Variants in MAMLD1 observed in about 807,000 individuals in gnomAD.
MAMLD1 encodes mastermind like domain containing 1.
MAMLD1 carries 14 observed loss-of-function variants against 45.0 expected under a neutral mutation model. That is an observed-to-expected ratio of 0.31 (90% confidence interval 0.21 to 0.49). MAMLD1 has a LOEUF of 0.49. MAMLD1 is among the 20% of genes least tolerant of loss of function. The pLI, the probability that MAMLD1 is intolerant of heterozygous loss-of-function variation, is 0.99. For synonymous variants in MAMLD1, 254 were observed against 247.8 expected (o/e 1.02, Z -0.24); for missense variants, 543 against 603.6 (o/e 0.90, Z 1.05).
intron 2 of MAMLD1, among the ~76,000 whole-genome samples, chrX:150,449,147 A>C (rs1261422014): frequency 9.0e-6 from 1 of 111,251 alleles, no homozygotes; most frequent in African/African-American, 3.3e-5. Flanking sequence ...GGGGATTATT[A>C]TTATTCTCCT....
At chrX:150,439,399 C>T (rs189479997) in intron 1 of MAMLD1, among the ~76,000 whole-genome samples, 38 of 111,630 alleles carry the variant, frequency 3.4e-4, no homozygotes, top group Non-Finnish European at 5.6e-4. Context: ...AGTTCCATTG[C>T]GAAATTCAAG....
At chrX:150,385,059 A>G in intron 1 of MAMLD1, among the ~76,000 whole-genome samples, 1 of 111,246 alleles carries the variant, frequency 9.0e-6, no homozygotes, top group Non-Finnish European at 1.9e-5. Context: ...GAAGGTTTGC[A>G]CACTTTCACC....
intron 1 of MAMLD1, among the ~76,000 whole-genome samples, chrX:150,432,083 CTG>C (rs201809844): frequency 9.5e-5 from 10 of 105,488 alleles, no homozygotes; most frequent in South Asian, 3.9e-4. Context: ...TCCACAACCT[CTG>C]TTTTTTTTTT....
intron 1 of MAMLD1, among the ~76,000 whole-genome samples, chrX:150,417,027 T>C (rs2034268336): frequency 9.0e-6 from 1 of 111,367 alleles, no homozygotes; most frequent in African/African-American, 3.3e-5. Context: ...TTTTTTATTA[T>C]ACTTTAAGTT....
chrX:150,371,722 C>T (rs995063359), intron 1 of MAMLD1, among the ~76,000 whole-genome samples: 8 of 112,101 alleles, frequency 7.1e-5, no homozygotes, highest in South Asian at 3.7e-4. Context: ...CTCTCAGCTT[C>T]GGCAGCGTGC....
chrX:150,403,996 G>GAAAGAAAGAA (rs1244362021), intron 1 of MAMLD1, among the ~76,000 whole-genome samples: 118 of 73,931 alleles, frequency 1.6e-3, no homozygotes, highest in African/African-American at 5.6e-3. Flanking sequence ...AAGAAAGAAA[G>GAAAGAAAGAA]AAGAAAGGAA....
intron 5 of MAMLD1, among the ~76,000 whole-genome samples, chrX:150,495,234 C>CAAAT (rs782639048): frequency 9.2e-6 from 1 of 108,435 alleles, no homozygotes; most frequent in East Asian, 3.0e-4. Context: ...AACAAACAAA[C>CAAAT]AACAGCAACA....
intron 1 of MAMLD1, among the ~76,000 whole-genome samples, chrX:150,369,464 A>C (rs1482894157): frequency 8.8e-6 from 1 of 113,105 alleles, no homozygotes; most frequent in Non-Finnish European, 1.9e-5. Flanking sequence ...AAGGAGGAGT[A>C]AAAAAATGGC....
intron 1 of MAMLD1, among the ~76,000 whole-genome samples, chrX:150,402,006 C>T (rs782132205): frequency 2.7e-5 from 3 of 111,913 alleles, no homozygotes; most frequent in Admixed American, 9.5e-5. Flanking sequence ...AGGACAAAGG[C>T]ATGGACAAGG....
chrX:150,494,784 G>A (rs782113159), intron 5 of MAMLD1, among the ~76,000 whole-genome samples: 1 of 111,409 alleles, frequency 9.0e-6, no homozygotes, highest in South Asian at 3.8e-4. Flanking sequence ...GGAAGCTGAG[G>A]TGGCAGGATC....
At chrX:150,383,824 T>C (rs1557401959) in intron 1 of MAMLD1, among the ~76,000 whole-genome samples, 1 of 111,849 alleles carries the variant, frequency 8.9e-6, no homozygotes, top group East Asian at 2.8e-4. Flanking sequence ...TGGATTTACT[T>C]ATTCTAGGTA....
intron 4 of MAMLD1, 108 bp from the exon 5 acceptor site, chrX:150,473,572 C>T: frequency 2.6e-6 from 2 of 759,036 alleles, no homozygotes; most frequent in Admixed American, 2.2e-5. Flanking sequence ...ATGGGGGTGG[C>T]CGGGGGAGCG....
At chrX:150,421,592 A>G (rs1005644479) in intron 1 of MAMLD1, among the ~76,000 whole-genome samples, 3 of 112,238 alleles carry the variant, frequency 2.7e-5, no homozygotes, top group Admixed American at 9.4e-5. Flanking sequence ...CCACCAGTAT[A>G]ATTGGAGACA....
intron 1 of MAMLD1, among the ~76,000 whole-genome samples, chrX:150,403,940 A>AAAAAGAAAGAAAGAAAG (rs1557402565): frequency 1.7e-5 from 1 of 58,882 alleles, no homozygotes; most frequent in Non-Finnish European, 3.2e-5. Context: ...AGAAAGAAAG[A>AAAAAGAAAGAAAGAAAG]AAAGAAAGAA....
At chrX:150,497,859 T>A in intron 5 of MAMLD1, among the ~76,000 whole-genome samples, 1 of 111,576 alleles carries the variant, frequency 9.0e-6, no homozygotes, top group East Asian at 2.8e-4. Flanking sequence ...GGCTTTGAAA[T>A]CAGACAATAC....
chrX:150,398,367 G>A (rs1000767766), intron 1 of MAMLD1, among the ~76,000 whole-genome samples: 35 of 93,785 alleles, frequency 3.7e-4, no homozygotes, highest in African/African-American at 1.2e-3. Flanking sequence ...AAGAGGAAGA[G>A]GAAGAGGAAG....
chrX:150,471,174 C>T lies in MAMLD1; in HGVS notation c.1601C>T (p.Thr534Met), dbSNP rs1168878809. The change falls in exon 4 of 8, where the codon ACG (threonine) becomes ATG (methionine). Residue 534 changes from threonine to methionine, a missense_variant. Thr to Met is a moderately conservative substitution (Grantham distance 81). Transcript: ENST00000370401. ...QGMASSSPGA[T>M]EPFTFGNTKP... ...ATGGCAAGCTCCAGCCCAGGAGCCA[C>T]GGAGCCATTTACTTTTGGCAACACC... 2.5e-6 allele frequency: 3 copies of T among 1,211,939 alleles called. No homozygotes were observed. Among genetic ancestry groups the T allele is most frequent in the South Asian group, 1.8e-5 (1 of 57,022 alleles).
chrX:150,403,084 A>C (rs184495506), intron 1 of MAMLD1, among the ~76,000 whole-genome samples: 21 of 111,249 alleles, frequency 1.9e-4, no homozygotes, highest in Admixed American at 5.7e-4. Context: ...TAAAAAAAAA[A>C]GTCATTGTGG....
intron 5 of MAMLD1, among the ~76,000 whole-genome samples, chrX:150,474,459 T>G (rs185557798): frequency 8.9e-6 from 1 of 112,431 alleles, no homozygotes; most frequent in East Asian, 2.8e-4. Flanking sequence ...ATAAAGTATG[T>G]GCTGACAAGG....
Sources: allele counts gnomAD v4.1 joint callset (sites outside exome capture counted in the v4.1 genomes callset), GRCh38; gene constraint gnomAD v4.1.1; transcripts MANE v1.5; gene names NCBI Gene and HGNC (gene_info 2026-07-23, HGNC 2026-07-21).